AK2: variants seen among roughly 807,000 people sequenced by gnomAD.
AK2 encodes the protein adenylate kinase 2, mitochondrial.
In AK2, 15 loss-of-function variants were observed where a neutral mutation model predicts 24.6. That is an observed-to-expected ratio of 0.61 (90% CI 0.41 to 0.94). AK2 has a LOEUF of 0.94. AK2 is among the 40% of genes least tolerant of loss of function. AK2 has a pLI of 0.00. For missense variants in AK2, 257 were observed against 304.1 expected (o/e 0.85, Z 1.15); for synonymous variants, 102 against 114.0 (o/e 0.90, Z 0.67).
intron 4 of AK2, among the ~76,000 whole-genome samples, chr1:33,018,654 C>T (rs1639344005): frequency 6.6e-6 from 1 of 152,284 alleles, no homozygotes; most frequent in Middle Eastern, 3.4e-3. Flanking sequence ...GTCACACTAA[C>T]CACCTACTTC....
chr1:33,024,140 C>T lies in AK2; in HGVS notation c.219+302G>A, dbSNP rs528197735. On this transcript the variant is annotated intron_variant, in intron 2 of 5. Transcript: ENST00000672715. ...GAGCCAAGACTGCGCCACTGCACTC[C>T]AGCCTGGGCGACAGAGCGAGACTTT... 3.1e-5 allele frequency: 11 copies of T among 358,096 alleles called. No homozygotes were observed. The East Asian group carries it at 6.5e-4, about 21-fold the overall frequency. The allele number at this position is 358,096 out of a possible 1,614,324, so 22.2% of individuals were successfully genotyped here. A position where few individuals can be genotyped will look rare whatever the true frequency, so the allele number is the denominator to read the frequency against.
chr1:33,021,310 C>G, intron 4 of AK2, 57 bp downstream of exon 4: 2 of 1,469,292 alleles, frequency 1.4e-6, no homozygotes, highest in Non-Finnish European at 1.9e-6. Context: ...AAGAGCAATT[C>G]TCAGAGTTTG....
intron 4 of AK2, among the ~76,000 whole-genome samples, chr1:33,019,225 T>C (rs979456123): frequency 7.2e-5 from 11 of 152,170 alleles, no homozygotes; most frequent in Non-Finnish European, 1.3e-4. Flanking sequence ...GTTTCATATA[T>C]GACTCTCTGA....
rs998664 is a variant in AK2 at position 33,009,825 on chromosome 1, C to A, written c.*3356G>T. 7 of 454,156 alleles carry A rather than the reference C, an allele frequency of 1.5e-5. No individual in the cohort carries two copies. The highest frequency in any genetic ancestry group is 3.1e-5 in the Non-Finnish European group (7 of 226,740). 28.1% of individuals were successfully genotyped at this position (454,156 alleles called of 1,614,324 possible). On this transcript the variant is annotated 3_prime_UTR_variant, in exon 6 of 6. Transcript: ENST00000672715. Reference sequence around the variant, plus strand: ...GACCTCCCTACCACACAGCTGCCAGCGACAAGAAAGGGCTTCTTTTCCTTC... The same window carrying A: ...GACCTCCCTACCACACAGCTGCCAGAGACAAGAAAGGGCTTCTTTTCCTTC...
chr1:33,025,821 C>T (rs1004715154), intron 1 of AK2, among the ~76,000 whole-genome samples: 3 of 152,150 alleles, frequency 2.0e-5, no homozygotes, highest in Non-Finnish European at 4.4e-5. Context: ...ATATAGTAAG[C>T]GCTCAGTGGG....
chr1:33,034,487 CATAT>C (rs34516962), intron 1 of AK2, among the ~76,000 whole-genome samples: 8 of 139,038 alleles, frequency 5.8e-5, no homozygotes, highest in African/African-American at 2.3e-4. Context: ...CACACACACA[CATAT>C]ATCATAATTT....
At position 33,010,215 on chromosome 1, in the gene AK2, G is replaced by T. The variant is rs61800916; in HGVS notation, c.*2966C>A. ...AAGTAGGTAGCCTAGTAAATTAGTG[G>T]TAAGTCAGGGGAAGGGAATCAGCCT... On this transcript the variant is annotated 3_prime_UTR_variant, in exon 6 of 6. Transcript: ENST00000672715. 1 of 437,520 alleles carries T rather than the reference G, an allele frequency of 2.3e-6. No individual in the cohort carries two copies. The highest frequency in any genetic ancestry group is 2.4e-5 in the Admixed American group (1 of 41,006). 27.1% of individuals were successfully genotyped at this position (437,520 alleles called of 1,614,324 possible).
chr1:33,030,620 T>C (rs964731914), intron 1 of AK2, among the ~76,000 whole-genome samples: 17 of 152,198 alleles, frequency 1.1e-4, no homozygotes, highest in African/African-American at 4.1e-4. Flanking sequence ...ATTAGCTAAC[T>C]TTGAGCATGT....
At chr1:33,022,843 A>G (rs967495271) in intron 2 of AK2, among the ~76,000 whole-genome samples, 3 of 152,140 alleles carry the variant, frequency 2.0e-5, no homozygotes, top group African/African-American at 7.2e-5. Flanking sequence ...CAAAGTACAC[A>G]CTCTGCAACT....
chr1:33,010,982 A>G lies in AK2; in HGVS notation c.*2199T>C. 2.0e-6 allele frequency: 3 copies of G among 1,537,852 alleles called. No individual in the cohort carries two copies. Among genetic ancestry groups the G allele is most frequent in the East Asian group, 2.4e-5 (1 of 41,120 alleles). The stretch of plus-strand genomic sequence containing the variant: ...GTAAAAGCAGAACCTGCTGAGGCTG[A>G]GGAACTCTGGAATTAAATGAAGCAA... On this transcript the variant is annotated 3_prime_UTR_variant, in exon 6 of 6. Transcript: ENST00000672715.
At chr1:33,020,430 T>C (rs1206138269) in intron 4 of AK2, among the ~76,000 whole-genome samples, 2 of 152,190 alleles carry the variant, frequency 1.3e-5, no homozygotes. Flanking sequence ...GGCTTTGAAC[T>C]ATGCATTTTA....
intron 4 of AK2, chr1:33,019,555 C>CGT: frequency 1.1e-6 from 1 of 935,928 alleles, no homozygotes; most frequent in Non-Finnish European, 1.3e-6. Flanking sequence ...GTAACCTGGA[C>CGT]ATTTGAAAAG....
At chr1:33,024,277 C>T in intron 2 of AK2, 165 bp downstream of exon 2, 3 of 938,990 alleles carry the variant, frequency 3.2e-6, no homozygotes, top group African/African-American at 1.6e-5. Flanking sequence ...TCTGTATCAG[C>T]GTTGGCTGGT....
At chr1:33,017,711 A>G (rs980522486) in intron 4 of AK2, among the ~76,000 whole-genome samples, 2 of 152,218 alleles carry the variant, frequency 1.3e-5, no homozygotes, top group African/African-American at 4.8e-5. Flanking sequence ...TGGAGGTATC[A>G]TCAGGACTGG....
chr1:33,009,681 A>C lies in AK2; in HGVS notation c.*3500T>G, dbSNP rs1209011808. On this transcript the variant is annotated 3_prime_UTR_variant, in exon 6 of 6. Coordinates refer to ENST00000672715, the MANE Select transcript of AK2 (RefSeq NM_001625.4). ...GCTGGGATTTGTCCTAGGTCCCCTGAACTCCAAGCACAGTGCTATCTCCAC... is the reference window on the plus strand; with the variant it reads ...GCTGGGATTTGTCCTAGGTCCCCTGCACTCCAAGCACAGTGCTATCTCCAC... 1 of 454,006 alleles carries C rather than the reference A, an allele frequency of 2.2e-6. No homozygotes were observed. Among genetic ancestry groups the C allele is most frequent in the Non-Finnish European group, 4.4e-6 (1 of 226,798 alleles). The allele number at this position is 454,006 out of a possible 1,614,324, so 28.1% of individuals were successfully genotyped here.
At chr1:33,022,961 C>A (rs1639648911) in intron 2 of AK2, among the ~76,000 whole-genome samples, 1 of 152,130 alleles carries the variant, frequency 6.6e-6, no homozygotes, top group Non-Finnish European at 1.5e-5. Context: ...TCTGGTTTGA[C>A]TCAGAGATTC....
chr1:33,027,534 GTTCAAGAC>G lies in AK2; in HGVS notation c.94-2975_94-2968del, dbSNP rs1443900047. ...AGGCGGGTGGATCACGAGGTCAGGAGTTCAAGACTTCAAGACCAGCCTGGCCAAGATGG... is the reference window on the plus strand; with the variant it reads ...AGGCGGGTGGATCACGAGGTCAGGAGTTCAAGACCAGCCTGGCCAAGATGG... On this transcript the variant is annotated intron_variant, in intron 1 of 5. Coordinates refer to ENST00000672715, the MANE Select transcript of AK2 (RefSeq NM_001625.4). Among the ~76,000 whole-genome samples, 89 of 152,196 alleles carry G rather than the reference GTTCAAGAC, an allele frequency of 5.8e-4. 1 individual carries two copies. Among genetic ancestry groups the G allele is most frequent in the African/African-American group, 1.9e-3 (78 of 41,524 alleles).
In AK2 at chr1:33,013,080, A is replaced by C. The variant is rs1221595197; in HGVS notation, c.*101T>G. On this transcript the variant is annotated 3_prime_UTR_variant, in exon 6 of 6. Coordinates refer to ENST00000672715, the MANE Select transcript of AK2 (RefSeq NM_001625.4). ...AGTGCTTTTTTAATCAATACATCAA[A>C]TGATATTTTTGCTAGCCTGAGGAAG... 1 of 1,609,378 alleles carries C rather than the reference A, an allele frequency of 6.2e-7. No individual in the cohort carries two copies. The highest frequency in any genetic ancestry group is 1.7e-4 in the Middle Eastern group (1 of 6,060).
intron 4 of AK2, among the ~76,000 whole-genome samples, chr1:33,020,454 G>A (rs569992273): frequency 6.6e-6 from 1 of 152,304 alleles, no homozygotes; most frequent in South Asian, 2.1e-4. Flanking sequence ...TACCTAACAC[G>A]TGAAATAGCT....
Sources: gnomAD v4.1 joint callset for allele counts (sites outside exome capture counted in the v4.1 genomes callset) on GRCh38, gnomAD v4.1.1 for gene constraint, MANE v1.5 for transcripts, NCBI Gene and HGNC (gene_info 2026-07-23, HGNC 2026-07-21) for gene names.